Variants in SETD5 observed in about 807,000 individuals in gnomAD.
SETD5 encodes the protein SET domain containing 5.
In SETD5, 44 loss-of-function variants were observed where a neutral mutation model predicts 153.3. The observed-to-expected ratio is 0.29, with a 90% confidence interval of 0.23 to 0.37. SETD5 has a LOEUF of 0.37. SETD5 is among the 10% of genes least tolerant of loss of function. SETD5 has a pLI of 1.00. For missense variants in SETD5, 1,544 were observed against 1,768.0 expected, an observed-to-expected ratio of 0.87 and a Z score of 2.27; for synonymous variants, 716 against 645.2, an observed-to-expected ratio of 1.11 and a Z score of -1.66.
chr3:9,406,469 G>A (rs1413050958), intron 1 of SETD5, among the ~76,000 whole-genome samples: 4 of 152,030 alleles, frequency 2.6e-5, no homozygotes, highest in Non-Finnish European at 2.9e-5. Flanking sequence ...CTGGCCGGGC[G>A]CGGTGGCTCA....
At chr3:9,407,264 G>A (rs1014627141) in intron 1 of SETD5, among the ~76,000 whole-genome samples, 15 of 152,094 alleles carry the variant, frequency 9.9e-5, no homozygotes, top group Admixed American at 8.5e-4. Context: ...GGAGGCAGAG[G>A]TTGCAGTGAG....
At chr3:9,448,139 A>G in intron 15 of SETD5, 133 bp downstream of exon 15, 1 of 1,195,040 alleles carries the variant, frequency 8.4e-7, no homozygotes, top group Non-Finnish European at 1.1e-6. Flanking sequence ...CTTTGACACA[A>G]AAGGCTGGAG....
At chr3:9,413,551 C>T (rs953563688) in intron 1 of SETD5, among the ~76,000 whole-genome samples, 1 of 151,516 alleles carries the variant, frequency 6.6e-6, no homozygotes, top group Non-Finnish European at 1.5e-5. Flanking sequence ...CCTTCTGGAT[C>T]TGGAACACGG....
chr3:9,445,799 A>T, intron 13 of SETD5, 59 bp downstream of exon 13: 1 of 1,260,582 alleles, frequency 7.9e-7, no homozygotes, highest in Non-Finnish European at 1.1e-6. Context: ...CATCATGTGA[A>T]CCTCTTCTGT....
chr3:9,431,398 A>T (rs1337220508), intron 3 of SETD5: 1 of 983,714 alleles, frequency 1.0e-6, no homozygotes, highest in Admixed American at 6.2e-5. Flanking sequence ...ACATTTGCAT[A>T]AAGTGGTTGG....
chr3:9,424,727 G>C (rs2038893761), intron 2 of SETD5, among the ~76,000 whole-genome samples: 1 of 152,048 alleles, frequency 6.6e-6, no homozygotes. Flanking sequence ...TTATATTCTG[G>C]TAGGAAAAAA....
chr3:9,426,481 C>G (rs982554823), intron 2 of SETD5, among the ~76,000 whole-genome samples: 2 of 151,692 alleles, frequency 1.3e-5, no homozygotes, highest in African/African-American at 4.8e-5. Flanking sequence ...ACTGCAACCT[C>G]CACCTCCTGG....
Position 9,475,894 on chromosome 3 carries a change from T to G in SETD5, c.4132T>G (p.Ser1378Ala). 6.2e-7 allele frequency: 1 copy of G among 1,613,994 alleles called. No individual in the cohort carries two copies. The highest frequency in any genetic ancestry group is 2.2e-5 in the East Asian group (1 of 44,870). The change falls in exon 23 of 23, where the codon TCT becomes GCT. Residue 1378 changes from serine to alanine, a missense_variant. Ser to Ala is a moderately conservative substitution (Grantham distance 99). Transcript: ENST00000402198. ...TLSSTSFPQN[S>A]RSSLPSDLRT... ...GAGTTCCACCTCCTTTCCTCAGAAC[T>G]CTAGGTCGTCATTGCCATCAGACTT...
chr3:9,429,063 C>G, intron 3 of SETD5, 54 bp downstream of exon 3: 1 of 1,258,886 alleles, frequency 7.9e-7, no homozygotes. Context: ...TGGAGACAGC[C>G]TTCTTATGGA....
chr3:9,426,425 C>CTT (rs747618971), intron 2 of SETD5, among the ~76,000 whole-genome samples: 4 of 148,830 alleles, frequency 2.7e-5, no homozygotes, highest in Non-Finnish European at 5.9e-5. Context: ...GAGATGGAGT[C>CTT]TCACTCTGTC....
chr3:9,457,646 C>G (rs2043422659), intron 17 of SETD5, among the ~76,000 whole-genome samples: 1 of 150,320 alleles, frequency 6.7e-6, no homozygotes, highest in Non-Finnish European at 1.5e-5. Context: ...CTTAACAAAA[C>G]TAAGAAACTG....
Position 9,441,612 on chromosome 3 carries a change from C to A in SETD5, c.830C>A (p.Thr277Asn), listed in dbSNP as rs768943428. 5 of 1,613,918 alleles carry A rather than the reference C, an allele frequency of 3.1e-6. No homozygotes were observed. The East Asian group carries it at 1.1e-4, about 36-fold the overall frequency. ...SQMQLQLGRV[T>N]RVQKHRKILR... is the part of the protein sequence containing the mutation. ...ATTCAGTTACAGCTGGGAAGAGTCA[C>A]TCGTGTTCAAAAGCACCGGAAGATC... Residue 277 changes from threonine (T) to asparagine (N), a missense_variant, in exon 9 of 23, where the codon ACT (threonine) becomes AAT (asparagine). Transcript: ENST00000402198.
chr3:9,455,903 A>T (rs548586904), intron 17 of SETD5, among the ~76,000 whole-genome samples: 2 of 152,186 alleles, frequency 1.3e-5, no homozygotes, highest in Non-Finnish European at 2.9e-5. Flanking sequence ...CCCTAGTCTA[A>T]CAGTGAGAAA....
chr3:9,475,768 C>T lies in SETD5; in HGVS notation c.4006C>T (p.Pro1336Ser), dbSNP rs780962615. ...HSGNSTGSNL[P>S]RRSCPSSAAS... ...TGGAAACAGCACTGGCAGCAATCTT[C>T]CAAGGAGGAGCTGCCCTTCTAGTGC... Residue 1336 changes from proline to serine, a missense_variant, in exon 23 of 23, where the codon CCA becomes TCA. This residue lies in a region of SETD5 where 302 missense variants were observed against 277.6 expected (regional missense o/e 1.09). Transcript: ENST00000402198. The T allele has an allele frequency of 6.2e-7, 1 of 1,613,998 alleles. No individual in the cohort carries two copies. The highest frequency in any genetic ancestry group is 8.5e-7 in the Non-Finnish European group (1 of 1,179,876).
chr3:9,473,574 G>A (rs2045555421), intron 20 of SETD5, 37 bp downstream of exon 20: 1 of 1,555,838 alleles, frequency 6.4e-7, no homozygotes. Flanking sequence ...TTAAATTGGG[G>A]GTGGGGGGGA....
At chr3:9,403,535 T>G (rs2035168633) in intron 1 of SETD5, among the ~76,000 whole-genome samples, 1 of 152,236 alleles carries the variant, frequency 6.6e-6, no homozygotes, top group Non-Finnish European at 1.5e-5. Flanking sequence ...GGTAGCACAT[T>G]ACAGCTTTCA....
chr3:9,444,763 G>T lies in SETD5; in HGVS notation c.1188-285G>T, dbSNP rs189290009. Among the ~76,000 whole-genome samples the T allele has an allele frequency of 1.4e-3, 208 of 152,188 alleles. 5 individuals carry two copies. The East Asian group carries it at 0.025, about 18-fold the overall frequency. Reference sequence around the variant, plus strand: ...AAAATTAGCTGGGCGTGTAGTCCCAGCTACTCAGGAGGCTGAGGTAGGAGG... The same window carrying T: ...AAAATTAGCTGGGCGTGTAGTCCCATCTACTCAGGAGGCTGAGGTAGGAGG... On this transcript the variant is annotated intron_variant, in intron 11 of 22. Coordinates refer to ENST00000402198, the MANE Select transcript of SETD5 (RefSeq NM_001080517.3).
intron 1 of SETD5, among the ~76,000 whole-genome samples, chr3:9,408,254 C>G (rs967911333): frequency 1.3e-5 from 2 of 152,162 alleles, no homozygotes; most frequent in Non-Finnish European, 2.9e-5. Flanking sequence ...TGCGATTTAT[C>G]TGTTGACCTC....
chr3:9,409,328 A>T (rs1468598878), intron 1 of SETD5, among the ~76,000 whole-genome samples: 2 of 152,074 alleles, frequency 1.3e-5, no homozygotes, highest in Non-Finnish European at 2.9e-5. Flanking sequence ...TGGGTTTTTT[A>T]CCCCCTTATT....
Sources: allele counts gnomAD v4.1 joint callset (sites outside exome capture counted in the v4.1 genomes callset), GRCh38; gene constraint gnomAD v4.1.1; regional missense constraint gnomAD v4.1.1; transcripts MANE v1.5; gene names NCBI Gene and HGNC (gene_info 2026-07-23, HGNC 2026-07-21).